NELL1: variants seen among roughly 807,000 people sequenced by gnomAD.
NELL1 encodes neural EGFL like 1, also known as protein kinase C-binding protein NELL1.
Under a neutral mutation model 107.4 loss-of-function variants are expected in NELL1, and 76 were observed. That is an observed-to-expected ratio of 0.71 (90% CI 0.59 to 0.86). The LOEUF is 0.86. NELL1 is among the 40% of genes least tolerant of loss of function. The pLI is 0.00. For synonymous variants in NELL1, 353 were observed against 341.2 expected (o/e 1.03, Z -0.38); for missense variants, 1,024 against 1,005.5 (o/e 1.02, Z -0.25).
intron 4 of NELL1, among the ~76,000 whole-genome samples, chr11:20,879,284 T>A (rs1319189397): frequency 6.6e-6 from 1 of 152,084 alleles, no homozygotes; most frequent in Non-Finnish European, 1.5e-5. Context: ...GAATGGATCG[T>A]CCAAATGGGG....
intron 15 of NELL1, among the ~76,000 whole-genome samples, chr11:21,532,948 C>T (rs1591012900): frequency 6.6e-6 from 1 of 152,234 alleles, no homozygotes; most frequent in East Asian, 1.9e-4. Context: ...TGAGGTATGA[C>T]AATCTACATG....
At chr11:20,694,544 T>A (rs1854563475) in intron 2 of NELL1, among the ~76,000 whole-genome samples, 1 of 152,156 alleles carries the variant, frequency 6.6e-6, no homozygotes, top group Admixed American at 6.6e-5. Flanking sequence ...ATCACTTATC[T>A]TTGTCCATTT....
chr11:20,689,362 GT>G (rs1565308226), intron 2 of NELL1, among the ~76,000 whole-genome samples: 1 of 151,126 alleles, frequency 6.6e-6, no homozygotes, highest in East Asian at 2.0e-4. Context: ...GTATACATGT[GT>G]CATGCTGGTG....
chr11:20,753,859 C>T (rs576000366), intron 2 of NELL1, among the ~76,000 whole-genome samples: 254 of 152,258 alleles, frequency 1.7e-3, no homozygotes, highest in South Asian at 2.7e-3. Context: ...CATATTTTCT[C>T]AGGAATTCCA....
At chr11:21,139,756 C>G (rs188914918) in intron 13 of NELL1, among the ~76,000 whole-genome samples, 2 of 152,160 alleles carry the variant, frequency 1.3e-5, no homozygotes, top group South Asian at 4.1e-4. Flanking sequence ...AAGATATATT[C>G]AGTTGCAAGT....
chr11:21,477,892 A>AATT (rs1365259614), intron 15 of NELL1, among the ~76,000 whole-genome samples: 5 of 127,514 alleles, frequency 3.9e-5, no homozygotes, highest in Non-Finnish European at 1.6e-5. Flanking sequence ...TAATAAATAA[A>AATT]ATTATAAAAA....
chr11:21,098,367 C>T (rs1223527350), intron 12 of NELL1, among the ~76,000 whole-genome samples: 1 of 152,122 alleles, frequency 6.6e-6, no homozygotes, highest in Non-Finnish European at 1.5e-5. Flanking sequence ...TTACCTCTGT[C>T]TCTTCTTATT....
intron 15 of NELL1, among the ~76,000 whole-genome samples, chr11:21,434,886 T>G (rs1457992377): frequency 6.6e-6 from 1 of 152,166 alleles, no homozygotes; most frequent in Non-Finnish European, 1.5e-5. Flanking sequence ...ATTGCAGAAG[T>G]CTTTTACTTC....
intron 14 of NELL1, among the ~76,000 whole-genome samples, chr11:21,291,306 A>T (rs1237149131): frequency 6.6e-6 from 1 of 152,224 alleles, no homozygotes; most frequent in Non-Finnish European, 1.5e-5. Flanking sequence ...GAGCAAAGAC[A>T]CAACGTACCA....
At chr11:20,762,777 G>T (rs1856450286) in intron 2 of NELL1, among the ~76,000 whole-genome samples, 1 of 145,876 alleles carries the variant, frequency 6.9e-6, no homozygotes. Context: ...TTGCTTTCCT[G>T]TTTTTTACAT....
intron 13 of NELL1, among the ~76,000 whole-genome samples, chr11:21,208,416 G>T (rs1398166033): frequency 6.7e-6 from 1 of 150,052 alleles, no homozygotes; most frequent in African/African-American, 2.4e-5. Context: ...ATATATAAAT[G>T]ATGGATATAT....
intron 12 of NELL1, among the ~76,000 whole-genome samples, chr11:21,091,869 C>T (rs1251896514): frequency 6.6e-6 from 1 of 152,134 alleles, no homozygotes; most frequent in African/African-American, 2.4e-5. Flanking sequence ...GATGGTGATT[C>T]TTCTCTCAGG....
chr11:20,762,105 T>A (rs1856434122), intron 2 of NELL1, among the ~76,000 whole-genome samples: 1 of 152,192 alleles, frequency 6.6e-6, no homozygotes, highest in South Asian at 2.1e-4. Context: ...GTCAATTGTT[T>A]GATGTGTTGT....
chr11:21,024,752 A>C (rs1010426641), intron 12 of NELL1, among the ~76,000 whole-genome samples: 4 of 152,134 alleles, frequency 2.6e-5, no homozygotes, highest in Admixed American at 6.6e-5. Flanking sequence ...GGGTTTATTC[A>C]ATAATTTCCA....
At chr11:21,157,330 A>T (rs1340480299) in intron 13 of NELL1, among the ~76,000 whole-genome samples, 1 of 152,164 alleles carries the variant, frequency 6.6e-6, no homozygotes, top group African/African-American at 2.4e-5. Flanking sequence ...TCCTCACATA[A>T]ATAGAACATG....
At chr11:21,380,761 A>G (rs925766541) in intron 15 of NELL1, among the ~76,000 whole-genome samples, 2 of 152,008 alleles carry the variant, frequency 1.3e-5, no homozygotes, top group Non-Finnish European at 2.9e-5. Context: ...CAAACAGCAC[A>G]TTTTCAAGTC....
intron 12 of NELL1, among the ~76,000 whole-genome samples, chr11:20,965,598 A>T (rs1851372765): frequency 3.3e-5 from 5 of 152,214 alleles, no homozygotes. Flanking sequence ...ACACAAGTGG[A>T]ATTGTATTCA....
In NELL1 at chr11:21,370,837, T is replaced by C. The variant is rs758418173; in HGVS notation, c.1550-16T>C. ...TGCATTTTATCTAAGATAAATACTT[T>C]GTTCTCTTGCAACAGCTTTCTGTGA... On this transcript the variant is annotated splice_polypyrimidine_tract_variant and intron_variant, in intron 14 of 19. Transcript: ENST00000357134. 2 of 1,602,810 alleles carry C rather than the reference T, an allele frequency of 1.2e-6. No individual in the cohort carries two copies. The highest frequency in any genetic ancestry group is 2.2e-5 in the East Asian group (1 of 44,602).
At chr11:21,183,735 TG>T (rs1346268548) in intron 13 of NELL1, among the ~76,000 whole-genome samples, 1 of 151,702 alleles carries the variant, frequency 6.6e-6, no homozygotes, top group Admixed American at 6.6e-5. Context: ...ATATAACTAG[TG>T]GGAACCATGC....
Sources: allele counts gnomAD v4.1 joint callset (sites outside exome capture counted in the v4.1 genomes callset), GRCh38; gene constraint gnomAD v4.1.1; transcripts MANE v1.5; gene names NCBI Gene and HGNC (gene_info 2026-07-23, HGNC 2026-07-21).